The following PCMT1 variants were observed in gnomAD, a reference collection of about 807,000 sequenced individuals.
PCMT1 encodes protein-L-isoaspartate (D-aspartate) O-methyltransferase.
In PCMT1, 9 loss-of-function variants were observed where a neutral mutation model predicts 29.2. The observed-to-expected ratio is 0.31, with a 90% CI of 0.19 to 0.54. The LOEUF (loss-of-function observed/expected upper bound fraction) is 0.54, where lower values mean the gene tolerates loss of function less well. Among genes scored for constraint, PCMT1 ranks in the 20% least tolerant of loss-of-function variants. The probability of loss-of-function intolerance (pLI) is 0.95; values close to 1 mark genes in which losing one functional copy is unlikely to be tolerated. For synonymous variants in PCMT1, 98 were observed against 97.5 expected, an observed-to-expected ratio of 1.00 and a Z score of -0.03; for missense variants, 184 against 282.2, an observed-to-expected ratio of 0.65 and a Z score of 2.49.
intron 1 of PCMT1, among the ~76,000 whole-genome samples, chr6:149,759,328 A>G (rs982931421): frequency 6.6e-6 from 1 of 152,154 alleles, no homozygotes; most frequent in Non-Finnish European, 1.5e-5. Context: ...GTTTTTCCAG[A>G]CATGTTGATA....
At chr6:149,799,561 T>C (rs1583056181) in intron 6 of PCMT1, among the ~76,000 whole-genome samples, 2 of 152,370 alleles carry the variant, frequency 1.3e-5, no homozygotes, top group East Asian at 3.8e-4. Flanking sequence ...AAAATGCTTC[T>C]GAAGGAACTT....
At chr6:149,778,618 G>T (rs1341013716) in intron 3 of PCMT1, among the ~76,000 whole-genome samples, 2 of 152,020 alleles carry the variant, frequency 1.3e-5, no homozygotes, top group Non-Finnish European at 2.9e-5. Flanking sequence ...GCCCACTGCA[G>T]CCGAGACCTG....
At chr6:149,760,861 A>G (rs957964124) in intron 1 of PCMT1, among the ~76,000 whole-genome samples, 2 of 152,156 alleles carry the variant, frequency 1.3e-5, no homozygotes, top group African/African-American at 4.8e-5. Context: ...AAAAACAAAC[A>G]AAACAAAAAG....
intron 1 of PCMT1, among the ~76,000 whole-genome samples, chr6:149,757,078 C>T (rs879327713): frequency 2.0e-5 from 3 of 151,766 alleles, no homozygotes; most frequent in South Asian, 2.1e-4. Flanking sequence ...CGCTTGAACC[C>T]GGGGAGTGGA....
At chr6:149,759,807 T>G (rs748524833) in intron 1 of PCMT1, among the ~76,000 whole-genome samples, 1 of 152,202 alleles carries the variant, frequency 6.6e-6, no homozygotes, top group Non-Finnish European at 1.5e-5. Flanking sequence ...TTTTCTTACC[T>G]GTATTTTCAG....
At chr6:149,780,481 ACCTT>A in intron 3 of PCMT1, among the ~76,000 whole-genome samples, 1 of 152,152 alleles carries the variant, frequency 6.6e-6, no homozygotes, top group East Asian at 1.9e-4. Flanking sequence ...GCAGAAAGAA[ACCTT>A]CCTTATACCC....
intron 7 of PCMT1, among the ~76,000 whole-genome samples, chr6:149,802,848 G>A (rs1357645512): frequency 6.6e-6 from 1 of 151,860 alleles, no homozygotes; most frequent in Non-Finnish European, 1.5e-5. Context: ...GAGGTCAGGA[G>A]TTTGAGACTA....
chr6:149,796,605 T>G, intron 6 of PCMT1, 105 bp downstream of exon 6: 1 of 724,968 alleles, frequency 1.4e-6, no homozygotes, highest in Non-Finnish European at 2.3e-6. Context: ...ATTAGACTTT[T>G]ATATCATACA....
In PCMT1 at chr6:149,749,887, C is replaced by T; in HGVS notation, c.-15C>T. On this transcript the variant is annotated 5_prime_UTR_variant, in exon 1 of 8. Coordinates refer to ENST00000464889, the MANE Select transcript of PCMT1 (RefSeq NM_001360452.2). ...GCTGAAGGTGGTTCTGTACCTGCTC[C>T]GAGTGTGCTTAGCGATGGCCTGGAA... 6.2e-7 allele frequency: 1 copy of T among 1,607,090 alleles called. No homozygotes were observed. The highest frequency in any genetic ancestry group is 8.5e-7 in the Non-Finnish European group (1 of 1,177,092).
At chr6:149,757,379 C>T (rs532950561) in intron 1 of PCMT1, among the ~76,000 whole-genome samples, 14 of 151,934 alleles carry the variant, frequency 9.2e-5, no homozygotes, top group South Asian at 8.3e-4. Flanking sequence ...GGGAAAGATT[C>T]GATTGTGCTG....
chr6:149,805,847 A>G (rs1037072962), intron 7 of PCMT1, among the ~76,000 whole-genome samples: 5 of 151,800 alleles, frequency 3.3e-5, no homozygotes, highest in African/African-American at 1.2e-4. Flanking sequence ...AGGCTGAGGC[A>G]GGAGAATCAC....
chr6:149,762,339 C>G (rs968370151), intron 1 of PCMT1, among the ~76,000 whole-genome samples: 1 of 151,362 alleles, frequency 6.6e-6, no homozygotes. Context: ...GACCCTAGGG[C>G]GGCAAGCAGA....
chr6:149,769,814 G>A lies in PCMT1; in HGVS notation c.56-1348G>A, dbSNP rs538688742. On this transcript the variant is annotated intron_variant, in intron 1 of 7. Coordinates refer to ENST00000464889, the MANE Select transcript of PCMT1 (RefSeq NM_001360452.2). ...TTTTTTTTGTGGAGACAGGGCCTAT[G>A]TTGCCTTGCCTGGTCTCAAGCTATC... 1.1e-4 allele frequency among the ~76,000 whole-genome samples: 11 copies of A among 102,276 alleles called. No individual in the cohort carries two copies. The South Asian group carries it at 2.9e-3, about 27-fold the overall frequency. The allele number at this position is 102,276 out of a possible 152,430, so 67.1% of individuals were successfully genotyped here.
Position 149,788,973 on chromosome 6 carries a change from G to A in PCMT1, c.193-981G>A, listed in dbSNP as rs560958997. On this transcript the variant is annotated intron_variant, in intron 3 of 7. Coordinates refer to ENST00000464889, the MANE Select transcript of PCMT1 (RefSeq NM_001360452.2). Reference sequence around the variant, plus strand: ...CCTATTTTTCATTTATATATGTATAGAATGATGTATTAATTTATCACTATA... The same window carrying A: ...CCTATTTTTCATTTATATATGTATAAAATGATGTATTAATTTATCACTATA... 6.0e-5 allele frequency among the ~76,000 whole-genome samples: 9 copies of A among 150,928 alleles called. No homozygotes were observed. In the East Asian group the frequency reaches 1.8e-3, roughly 29 times the overall value.
intron 6 of PCMT1, 33 bp downstream of exon 6, chr6:149,796,533 T>C (rs766538458): frequency 6.8e-7 from 1 of 1,470,088 alleles, no homozygotes; most frequent in Non-Finnish European, 9.5e-7. Context: ...TGTGTGTTTT[T>C]ATTCAACTAA....
chr6:149,793,552 G>A lies in PCMT1; in HGVS notation c.301G>A (p.Gly101Arg). 6.8e-7 allele frequency: 1 copy of A among 1,470,644 alleles called. No individual in the cohort carries two copies. Among genetic ancestry groups the A allele is most frequent in the South Asian group, 1.6e-5 (1 of 62,984 alleles). The allele number at this position is 1,470,644 out of a possible 1,614,324, so 91.1% of individuals were successfully genotyped here. A position where few individuals can be genotyped will look rare whatever the true frequency, so the allele number is the denominator to read the frequency against. Residue 101 changes from glycine (G) to arginine (R), a missense_variant, in exon 5 of 8, where the codon GGA becomes AGA. Physicochemically the swap from Gly to Arg is moderately radical, Grantham distance 125. Coordinates refer to ENST00000464889, the MANE Select transcript of PCMT1 (RefSeq NM_001360452.2). ...TGAATTGTTTTCTCTTTTCCAGGTT[G>A]GATGTACTGGAAAAGTCATAGGAAT... ...ILTACFARMV[G>R]CTGKVIGIDH...
intron 3 of PCMT1, among the ~76,000 whole-genome samples, chr6:149,774,121 C>G (rs768081540): frequency 2.7e-4 from 41 of 152,234 alleles, no homozygotes; most frequent in Non-Finnish European, 5.1e-4. Flanking sequence ...TCCTAAAGTG[C>G]TAGGATTACA....
At chr6:149,756,116 C>T (rs139941789) in intron 1 of PCMT1, among the ~76,000 whole-genome samples, 21 of 152,160 alleles carry the variant, frequency 1.4e-4, no homozygotes, top group African/African-American at 3.1e-4. Context: ...TGAGCAGCCA[C>T]GTTTATTCTG....
intron 1 of PCMT1, among the ~76,000 whole-genome samples, chr6:149,762,623 CTATGATATATATATATCTATGATATATA>C (rs1453263039): frequency 1.5e-4 from 2 of 13,086 alleles, no homozygotes; most frequent in African/African-American, 1.2e-3. Flanking sequence ...ATATATATAT[CTATGATATATATATATCTATGATATATA>C]TATGATATAT....
Sources: gnomAD v4.1 joint callset for allele counts (sites outside exome capture counted in the v4.1 genomes callset) on GRCh38, gnomAD v4.1.1 for gene constraint, MANE v1.5 for transcripts, NCBI Gene and HGNC (gene_info 2026-07-23, HGNC 2026-07-21) for gene names.